The following TPM4 variants were observed in gnomAD, a reference collection of about 807,000 sequenced individuals.
TPM4 encodes the protein tropomyosin 4.
A neutral mutation model predicts 35.8 loss-of-function variants in TPM4; 17 were observed. That is an observed-to-expected ratio of 0.47 (90% CI 0.32 to 0.71). TPM4 has a LOEUF of 0.71. Among genes scored for constraint, TPM4 ranks in the 30% least tolerant of loss-of-function variants. TPM4 has a pLI of 0.03. For synonymous variants in TPM4, 120 were observed against 122.9 expected (o/e 0.98, Z 0.15); for missense variants, 240 against 320.9 (o/e 0.75, Z 1.93).
intron 7 of TPM4, among the ~76,000 whole-genome samples, chr19:16,094,548 A>AT (rs1568311048): frequency 6.6e-6 from 1 of 151,682 alleles, no homozygotes; most frequent in Non-Finnish European, 1.5e-5. Context: ...AAAAAAAAAA[A>AT]CTTCACAATT....
chr19:16,082,669 A>T (rs2090497670), intron 2 of TPM4, among the ~76,000 whole-genome samples: 1 of 152,110 alleles, frequency 6.6e-6, no homozygotes, highest in South Asian at 2.1e-4. Context: ...TCTGAAAGCC[A>T]CAGTGCCTCT....
upstream of TPM4, chr19:16,075,822 C>T (rs959207272): frequency 5.0e-5 from 31 of 622,834 alleles, no homozygotes; most frequent in Non-Finnish European, 7.3e-5. Flanking sequence ...CCCCAATAAG[C>T]CCAAAACAGC....
In TPM4 at chr19:16,067,663, G is replaced by C. The variant is rs747288354; in HGVS notation, c.39G>C (p.Leu13Phe). 6.2e-7 allele frequency: 1 copy of C among 1,613,726 alleles called. No individual in the cohort carries two copies. Among genetic ancestry groups the C allele is most frequent in the East Asian group, 2.2e-5 (1 of 44,848 alleles). Residue 13 changes from leucine to phenylalanine, a missense_variant, in exon 2 of 3, where the codon TTG becomes TTC. Leu to Phe is a conservative substitution (Grantham distance 22). Transcript: ENST00000589897. The surrounding 1 kb of genome is among the most constrained non-coding windows in gnomAD (Gnocchi z 4.1). ...AGAAGAAAATGCAGATGCTGAAGTTGGACAAGGAGAATGCCATCGACCGCG... is the reference window on the plus strand; with the variant it reads ...AGAAGAAAATGCAGATGCTGAAGTTCGACAAGGAGAATGCCATCGACCGCG...
chr19:16,068,643 G>A (rs1377650202), intron 2 of TPM4, among the ~76,000 whole-genome samples: 1 of 152,334 alleles, frequency 6.6e-6, no homozygotes, highest in East Asian at 1.9e-4. Flanking sequence ...GCACATGTCT[G>A]TGTGTGTACA....
chr19:16,071,813 C>T (rs1418072615), upstream of TPM4, among the ~76,000 whole-genome samples: 6 of 152,072 alleles, frequency 3.9e-5, no homozygotes, highest in East Asian at 1.2e-3. Context: ...CGGCCGCTTC[C>T]TGCCCACTCC....
chr19:16,098,740 A>G (rs1376191666), intron 7 of TPM4, among the ~76,000 whole-genome samples: 6 of 152,120 alleles, frequency 3.9e-5, no homozygotes, highest in Non-Finnish European at 7.3e-5. Flanking sequence ...CAGGAGTTTG[A>G]GACCAATCTG....
chr19:16,069,687 T>C (rs1468801518), intron 2 of TPM4, among the ~76,000 whole-genome samples: 3 of 150,720 alleles, frequency 2.0e-5, no homozygotes, highest in Non-Finnish European at 4.4e-5. Flanking sequence ...TGTTGGGGTG[T>C]GTGTGTGGAT....
chr19:16,094,665 T>TA (rs559812776), intron 7 of TPM4, among the ~76,000 whole-genome samples: 206 of 145,676 alleles, frequency 1.4e-3, no homozygotes, highest in Middle Eastern at 3.6e-3. Context: ...TCATAGTATT[T>TA]AAAAAAAAAA....
intron 7 of TPM4, among the ~76,000 whole-genome samples, chr19:16,094,990 G>T (rs560899864): frequency 6.0e-4 from 91 of 152,252 alleles, no homozygotes; most frequent in Admixed American, 4.0e-3. Flanking sequence ...GGGGACCAGT[G>T]GGGGGAAGCT....
chr19:16,069,988 ATGTGTGTG>A (rs144086539), intron 2 of TPM4, among the ~76,000 whole-genome samples: 1 of 146,296 alleles, frequency 6.8e-6, no homozygotes, highest in African/African-American at 2.5e-5. Flanking sequence ...ATGGCACGGC[ATGTGTGTG>A]TGTGTGTGTG....
At chr19:16,096,411 T>C (rs1178242679) in intron 7 of TPM4, among the ~76,000 whole-genome samples, 2 of 152,196 alleles carry the variant, frequency 1.3e-5, no homozygotes, top group African/African-American at 4.8e-5. Context: ...TGGAGGCTCA[T>C]CCTTGTAAAC....
chr19:16,086,570 CAGGAAGTGGG>C (rs1276905788), intron 3 of TPM4, 30 bp downstream of exon 3: 4 of 1,578,642 alleles, frequency 2.5e-6, no homozygotes, highest in Non-Finnish European at 3.5e-6. Flanking sequence ...GGCGCAGCAG[CAGGAAGTGGG>C]AGGAAATGCA....
In TPM4 at chr19:16,083,875, C is replaced by T. The variant is rs993555152; in HGVS notation, c.266+1829C>T. Among the ~76,000 whole-genome samples the T allele has an allele frequency of 7.2e-5, 11 of 151,928 alleles. No homozygotes were observed. The South Asian group carries it at 1.7e-3, about 23-fold the overall frequency. ...CTGGGCTCAAGCGATCCTCCCGCCACGGCCTCCAGAGTTCCAGAGTAAAGC... is the reference window on the plus strand; with the variant it reads ...CTGGGCTCAAGCGATCCTCCCGCCATGGCCTCCAGAGTTCCAGAGTAAAGC... On this transcript the variant is annotated intron_variant, in intron 2 of 7. Transcript: ENST00000643579.
intron 2 of TPM4, among the ~76,000 whole-genome samples, chr19:16,083,657 C>T (rs955370136): frequency 9.2e-5 from 14 of 151,910 alleles, no homozygotes; most frequent in African/African-American, 2.7e-4. Context: ...GGTGTGGGCC[C>T]GACCAGTGAT....
rs964128826 is a variant in TPM4, at chr19:16,086,336, C to A, written c.267-87C>A. ...CTGCACTCCAGCCTGGATGACAGAG[C>A]GAGACTCCATCTGAAAGAAAAGATA... is the stretch of plus-strand genomic sequence containing the variant. On this transcript the variant is annotated intron_variant, in intron 2 of 7. Coordinates refer to ENST00000643579, the MANE Select transcript of TPM4 (RefSeq NM_003290.3). 1.6e-5 allele frequency: 19 copies of A among 1,218,280 alleles called. 1 individual carries two copies. The South Asian group carries it at 2.0e-4, about 13-fold the overall frequency. The allele number at this position is 1,218,280 out of a possible 1,614,324, so 75.5% of individuals were successfully genotyped here.
chr19:16,090,184 T>C (rs147300588), intron 5 of TPM4, among the ~76,000 whole-genome samples: 79 of 152,038 alleles, frequency 5.2e-4, no homozygotes, highest in African/African-American at 1.9e-3. Flanking sequence ...GGCGTGATCA[T>C]AGCTCACTGC....
chr19:16,096,944 T>TTTTTC, intron 7 of TPM4, among the ~76,000 whole-genome samples: 1 of 32,178 alleles, frequency 3.1e-5, no homozygotes, highest in Non-Finnish European at 6.7e-5. Context: ...CTCTTTTTTT[T>TTTTTC]TTTTTTTTTT....
At chr19:16,076,015 G>A (rs2090400453), upstream of TPM4, 1 of 1,428,978 alleles carries the variant, frequency 7.0e-7, no homozygotes, top group Non-Finnish European at 9.7e-7. Context: ...CCCCCCCCCA[G>A]GCTGACCCGT....
upstream of TPM4, chr19:16,075,796 C>T: frequency 2.0e-6 from 1 of 493,522 alleles, no homozygotes; most frequent in Non-Finnish European, 3.5e-6. Flanking sequence ...CATTGATCTC[C>T]CTAGAGTACT....
Sources: allele counts gnomAD v4.1 joint callset (sites outside exome capture counted in the v4.1 genomes callset), GRCh38; gene constraint gnomAD v4.1.1; non-coding constraint Gnocchi (gnomAD v3.1); transcripts MANE v1.5; gene names NCBI Gene and HGNC (gene_info 2026-07-23, HGNC 2026-07-21).